IRF8: variants seen among roughly 807,000 people sequenced by gnomAD.
The protein encoded by IRF8 is interferon regulatory factor 8, also known as interferon consensus sequence binding protein 1.
A neutral mutation model predicts 48.7 loss-of-function variants in IRF8; 14 were observed. The ratio of observed to expected loss-of-function variants is 0.29; its 90% CI spans 0.19 to 0.45. The LOEUF (loss-of-function observed/expected upper bound fraction) is 0.45. IRF8 is among the 20% of genes least tolerant of loss of function. The probability of loss-of-function intolerance (pLI) is 1.00; values close to 1 mark genes in which losing one functional copy is unlikely to be tolerated. For missense variants in IRF8, 493 were observed against 580.7 expected, an observed-to-expected ratio of 0.85 and a Z score of 1.55; for synonymous variants, 278 against 227.3, an observed-to-expected ratio of 1.22 and a Z score of -2.01.
intron 1 of IRF8, among the ~76,000 whole-genome samples, chr16:85,899,456 A>C (rs1904751717): frequency 6.6e-6 from 1 of 152,362 alleles, no homozygotes; most frequent in Admixed American, 6.5e-5. Context: ...TGGTAGATAG[A>C]TGCCTTTTTA....
chr16:85,918,951 TTGAA>T (rs1597257044), intron 7 of IRF8, 148 bp downstream of exon 7: 5 of 1,036,542 alleles, frequency 4.8e-6, no homozygotes, highest in Non-Finnish European at 5.8e-6. Context: ...AGGTGCTCCT[TTGAA>T]TGGCACTCTG....
intron 6 of IRF8, among the ~76,000 whole-genome samples, chr16:85,916,977 T>G (rs146211234): frequency 8.5e-5 from 13 of 152,312 alleles, no homozygotes; most frequent in Admixed American, 2.0e-4. Flanking sequence ...CAGCTCTAGC[T>G]TCCTACCCTG....
chr16:85,910,785 C>G (rs1415078245), intron 3 of IRF8, among the ~76,000 whole-genome samples: 1 of 152,234 alleles, frequency 6.6e-6, no homozygotes, highest in Non-Finnish European at 1.5e-5. Flanking sequence ...CCATCAGTAG[C>G]TTCTCAGTGA....
At position 85,906,052 on chromosome 16, in the gene IRF8, C is replaced by T. The variant is rs116378133; in HGVS notation, c.174+2863C>T. Among the ~76,000 whole-genome samples, 494 of 152,212 alleles carry T rather than the reference C, an allele frequency of 3.2e-3. 3 individuals are homozygous for T. Among genetic ancestry groups the T allele is most frequent in the African/African-American group, 0.01 (424 of 41,532 alleles). ...AAAGTACTTTACCTTCTTGACATGA[C>T]GACAAGGGGGGAAAATCTAGTTAAG... On this transcript the variant is annotated intron_variant, in intron 2 of 8. Transcript: ENST00000268638.
At chr16:85,903,235 T>C in intron 2 of IRF8, 46 bp downstream of exon 2, 2 of 1,518,076 alleles carry the variant, frequency 1.3e-6, no homozygotes, top group South Asian at 1.1e-5. Flanking sequence ...AGTGTCTCCT[T>C]TCCCTCATGG....
rs892035279 is a variant in IRF8 at position 85,921,051 on chromosome 16, C to T, written c.1105-55C>T. 5.2e-6 allele frequency: 8 copies of T among 1,543,514 alleles called. No individual in the cohort carries two copies. The Admixed American group carries it at 1.3e-4, about 26-fold the overall frequency. ...ACCTGGCTAGGGTCAAAGACAGTGC[C>T]CACCCCCTTTGGAGCCTCCGCCTCT... On this transcript the variant is annotated intron_variant, in intron 8 of 8. Transcript: ENST00000268638.
chr16:85,903,432 T>C (rs1053484267), intron 2 of IRF8: 2 of 510,016 alleles, frequency 3.9e-6, no homozygotes, highest in Non-Finnish European at 7.1e-6. Context: ...CGAAGGCTCT[T>C]TTCTTCTCTT....
chr16:85,917,621 G>C (rs973096478), intron 6 of IRF8, among the ~76,000 whole-genome samples: 2 of 152,228 alleles, frequency 1.3e-5, no homozygotes, highest in Non-Finnish European at 1.5e-5. Flanking sequence ...CTTGACCTCT[G>C]ACAATGCCCT....
chr16:85,913,956 C>G (rs1284084123), intron 5 of IRF8: 1 of 188,888 alleles, frequency 5.3e-6, no homozygotes, highest in Non-Finnish European at 1.1e-5. Context: ...GGCGTCTTCC[C>G]CCTAGCCCTA....
intron 2 of IRF8, among the ~76,000 whole-genome samples, chr16:85,907,310 C>A (rs1460212013): frequency 1.3e-5 from 2 of 152,210 alleles, no homozygotes; most frequent in Non-Finnish European, 2.9e-5. Flanking sequence ...AGCTGTGACT[C>A]ATGGGGGCAT....
At chr16:85,911,376 A>C (rs1301507228) in intron 3 of IRF8, among the ~76,000 whole-genome samples, 194 bp from the exon 4 acceptor site, 4 of 152,110 alleles carry the variant, frequency 2.6e-5, no homozygotes, top group African/African-American at 4.8e-5. Flanking sequence ...ACCACCACCA[A>C]CTTCTCTCTT....
chr16:85,917,644 C>T (rs1181799856), intron 6 of IRF8, among the ~76,000 whole-genome samples: 1 of 152,164 alleles, frequency 6.6e-6, no homozygotes, highest in Non-Finnish European at 1.5e-5. Flanking sequence ...ATTTGGAGCC[C>T]TAAGTTCAGT....
In IRF8 at chr16:85,921,299, C is replaced by T. The variant is rs935104687; in HGVS notation, c.*17C>T. ...ACCGTCTAAGTGCGTCGCTTGGGCG[C>T]CCCACCCCGTCTGCGTCCTGCATCC... On this transcript the variant is annotated 3_prime_UTR_variant, in exon 9 of 9. Coordinates refer to ENST00000268638, the MANE Select transcript of IRF8 (RefSeq NM_002163.4). 2.5e-6 allele frequency: 4 copies of T among 1,611,942 alleles called. No homozygotes were observed. The Admixed American group carries it at 5.0e-5, about 20-fold the overall frequency.
rs186086509 is a variant in IRF8, at chr16:85,914,256, C to T, written c.554-217C>T. On this transcript the variant is annotated intron_variant, in intron 5 of 8. Coordinates refer to ENST00000268638, the MANE Select transcript of IRF8 (RefSeq NM_002163.4). ...GAAATCCCACAGCATAGAGGAAGTC[C>T]CCCCGACTTGCCACTCTGGTTTTCT... is the stretch of plus-strand genomic sequence containing the variant. 4.7e-4 allele frequency: 286 copies of T among 606,114 alleles called. 5 individuals carry two copies. In the East Asian group the frequency reaches 6.9e-3, roughly 15 times the overall value. 37.5% of individuals were successfully genotyped at this position (606,114 alleles called of 1,614,324 possible).
intron 2 of IRF8, among the ~76,000 whole-genome samples, chr16:85,907,482 A>G (rs1437744895): frequency 1.3e-5 from 2 of 152,224 alleles, no homozygotes; most frequent in Non-Finnish European, 2.9e-5. Flanking sequence ...GATCAAGACC[A>G]TCCTGGCCAA....
intron 6 of IRF8, among the ~76,000 whole-genome samples, chr16:85,916,903 G>A (rs1158876257): frequency 6.6e-6 from 1 of 152,082 alleles, no homozygotes; most frequent in East Asian, 1.9e-4. Context: ...TTTCCTTCTG[G>A]GTGACCCTAT....
Position 85,921,354 on chromosome 16 carries a change from A to G in IRF8, c.*72A>G. 6.7e-7 allele frequency: 1 copy of G among 1,497,746 alleles called. No individual in the cohort carries two copies. The highest frequency in any genetic ancestry group is 1.7e-5 in the Admixed American group (1 of 59,904). The allele number at this position is 1,497,746 out of a possible 1,614,324, so 92.8% of individuals were successfully genotyped here. On this transcript the variant is annotated 3_prime_UTR_variant, in exon 9 of 9. Transcript: ENST00000268638. ...CCCTGTTACAGTGGCCCGCATCATG[A>G]TTAAAGAATGTGGATCCCTCTGTCT...
intron 8 of IRF8, 48 bp from the exon 9 acceptor site, chr16:85,921,058 C>G: frequency 2.6e-6 from 4 of 1,566,284 alleles, no homozygotes; most frequent in Non-Finnish European, 3.5e-6. Context: ...TGCCCACCCC[C>G]TTTGGAGCCT....
chr16:85,909,259 C>G lies in IRF8; in HGVS notation c.358+86C>G, dbSNP rs1361713814. The G allele has an allele frequency of 4.7e-6, 5 of 1,070,652 alleles. No homozygotes were observed. In the African/African-American group the frequency reaches 7.8e-5, roughly 17 times the overall value. The allele number at this position is 1,070,652 out of a possible 1,614,324, so 66.3% of individuals were successfully genotyped here. A position where few individuals can be genotyped will look rare whatever the true frequency, so the allele number is the denominator to read the frequency against. Reference sequence around the variant, plus strand: ...ACAGAACTTGGGTCTGGGGTAGACACAGGGTCTGGGGCACATAGTTTCAGT... The same window carrying G: ...ACAGAACTTGGGTCTGGGGTAGACAGAGGGTCTGGGGCACATAGTTTCAGT... On this transcript the variant is annotated intron_variant, in intron 3 of 8. Transcript: ENST00000268638.
Sources: gnomAD v4.1 joint callset for allele counts (sites outside exome capture counted in the v4.1 genomes callset) on GRCh38, gnomAD v4.1.1 for gene constraint, MANE v1.5 for transcripts, NCBI Gene and HGNC (gene_info 2026-07-23, HGNC 2026-07-21) for gene names.